The following PCCB variants were observed in gnomAD, a reference collection of about 807,000 sequenced individuals.
PCCB encodes propionyl-CoA carboxylase subunit beta.
A neutral mutation model predicts 60.7 loss-of-function variants in PCCB; 43 were observed. The ratio of observed to expected loss-of-function variants is 0.71; its 90% CI spans 0.55 to 0.91. The LOEUF (loss-of-function observed/expected upper bound fraction) is 0.91, where lower values mean the gene tolerates loss of function less well. Among genes scored for constraint, PCCB ranks in the 40% least tolerant of loss-of-function variants. PCCB has a pLI of 0.00. For synonymous variants in PCCB, 276 were observed against 255.9 expected (o/e 1.08, Z -0.75); for missense variants, 766 against 702.8 (o/e 1.09, Z -1.02).
At chr3:136,298,178 G>A (rs1934023192) in intron 8 of PCCB, 106 bp downstream of exon 8, 2 of 1,344,458 alleles carry the variant, frequency 1.5e-6, no homozygotes, top group African/African-American at 2.9e-5. Context: ...TTGCAGCAGA[G>A]TGTGGTAGAG....
At chr3:136,257,258 A>C (rs1271003164) in intron 3 of PCCB, among the ~76,000 whole-genome samples, 1 of 152,124 alleles carries the variant, frequency 6.6e-6, no homozygotes, top group Non-Finnish European at 1.5e-5. Context: ...GCTTATAAGG[A>C]TGTGATATGA....
At chr3:136,301,823 A>G (rs1354533369) in intron 9 of PCCB, among the ~76,000 whole-genome samples, 1 of 152,134 alleles carries the variant, frequency 6.6e-6, no homozygotes, top group African/African-American at 2.4e-5. Flanking sequence ...GATTAGCCTG[A>G]GATGTAACCT....
chr3:136,256,761 G>T lies in PCCB; in HGVS notation c.372+138G>T, dbSNP rs1406177635. 9.7e-6 allele frequency: 7 copies of T among 719,010 alleles called. No homozygotes were observed. The East Asian group carries it at 1.9e-4, about 19-fold the overall frequency. The allele number at this position is 719,010 out of a possible 1,614,324, so 44.5% of individuals were successfully genotyped here. On this transcript the variant is annotated intron_variant, in intron 3 of 14. Transcript: ENST00000251654. ...TGAGGGATTTGCTTTGCTTTTCAGT[G>T]CGTGTTTCCAGAATATTGTGTGTTT...
intron 6 of PCCB, among the ~76,000 whole-genome samples, chr3:136,290,191 A>G (rs1020632948): frequency 6.6e-6 from 1 of 151,976 alleles, no homozygotes; most frequent in African/African-American, 2.4e-5. Context: ...TTTGCTTAAC[A>G]TTTTTTGCAA....
intron 9 of PCCB, among the ~76,000 whole-genome samples, chr3:136,309,720 A>G (rs1259780373): frequency 4.6e-5 from 7 of 152,044 alleles, no homozygotes; most frequent in African/African-American, 9.7e-5. Context: ...GAGAATTGCT[A>G]GAACACAGGA....
At chr3:136,286,725 A>G (rs921191050) in intron 6 of PCCB, among the ~76,000 whole-genome samples, 2 of 152,162 alleles carry the variant, frequency 1.3e-5, no homozygotes, top group African/African-American at 4.8e-5. Context: ...TGATTATTAC[A>G]GAATCCTCCT....
At chr3:136,273,590 C>CTTTTTTTTTTTTTTT (rs1942257481) in intron 5 of PCCB, among the ~76,000 whole-genome samples, 36 of 65,622 alleles carry the variant, frequency 5.5e-4, no homozygotes, top group Admixed American at 8.0e-4. Flanking sequence ...TTTTTTTTTT[C>CTTTTTTTTTTTTTTT]TTTTTTCTTT....
At chr3:136,296,956 G>C (rs1373948764) in intron 7 of PCCB, among the ~76,000 whole-genome samples, 1 of 152,194 alleles carries the variant, frequency 6.6e-6, no homozygotes, top group Non-Finnish European at 1.5e-5. Flanking sequence ...TTATATTCTA[G>C]TAGAGGAGAT....
At chr3:136,310,483 C>T (rs367681381) in intron 9 of PCCB, among the ~76,000 whole-genome samples, 18 of 152,286 alleles carry the variant, frequency 1.2e-4, no homozygotes, top group South Asian at 2.1e-4. Context: ...GTTTGTGCCA[C>T]GGCACTCTAC....
chr3:136,250,544 G>A lies in PCCB; in HGVS notation c.169G>A (p.Ala57Thr), dbSNP rs371406048. The A allele has an allele frequency of 3.4e-5, 55 of 1,612,298 alleles. No homozygotes were observed. The highest frequency in any genetic ancestry group is 4.5e-5 in the Non-Finnish European group (53 of 1,179,668). The change falls in exon 1 of 15, where the codon GCG becomes ACG. Residue 57 changes from alanine (A) to threonine (T), a missense_variant. By Grantham distance (58) the Ala-to-Thr change is moderately conservative. Transcript: ENST00000251654. ...GGGAGGGGGCCAACGCCGTATTGAC[G>A]CGCAGCACAAGCGAGTGAGTCCTGA... ...LLGGGQRRIDAQHKRGKLTAR... is the reference protein window; with the variant it reads ...LLGGGQRRIDTQHKRGKLTAR...
chr3:136,260,455 T>C, intron 3 of PCCB, 24 bp from the exon 4 acceptor site: 4 of 1,593,632 alleles, frequency 2.5e-6, no homozygotes, highest in Non-Finnish European at 3.4e-6. Flanking sequence ...ATATTTGACT[T>C]GCTGATTTGT....
intron 3 of PCCB, among the ~76,000 whole-genome samples, chr3:136,257,145 G>A (rs1003806493): frequency 2.6e-5 from 4 of 152,224 alleles, no homozygotes; most frequent in Non-Finnish European, 4.4e-5. Flanking sequence ...AATGAAGGTT[G>A]TTAATCAGCT....
chr3:136,287,536 G>A (rs1027827143), intron 6 of PCCB, among the ~76,000 whole-genome samples: 3 of 151,932 alleles, frequency 2.0e-5, no homozygotes, highest in Non-Finnish European at 4.4e-5. Context: ...CGGTTTAAGT[G>A]ATTCTCACAC....
At chr3:136,259,868 T>C (rs1447973900) in intron 3 of PCCB, among the ~76,000 whole-genome samples, 1 of 152,132 alleles carries the variant, frequency 6.6e-6, no homozygotes, top group East Asian at 1.9e-4. Flanking sequence ...TTCTCCTGCC[T>C]CAGCCTCCCG....
chr3:136,258,174 C>G (rs959598846), intron 3 of PCCB, among the ~76,000 whole-genome samples: 15 of 152,310 alleles, frequency 9.8e-5, no homozygotes, highest in African/African-American at 3.4e-4. Flanking sequence ...ATGATGTTCA[C>G]TCACCACTAT....
chr3:136,284,854 A>G (rs117660274), intron 6 of PCCB, among the ~76,000 whole-genome samples: 1,757 of 152,254 alleles, frequency 0.012, 32 homozygotes, highest in East Asian at 0.047. Flanking sequence ...TGGGAGGCTG[A>G]TTCAGGTGGA....
chr3:136,267,016 G>A (rs1453373335), intron 5 of PCCB, among the ~76,000 whole-genome samples: 1 of 152,046 alleles, frequency 6.6e-6, no homozygotes, highest in Non-Finnish European at 1.5e-5. Context: ...CCAAGTAGCT[G>A]GGATTACAGG....
At chr3:136,294,698 C>G (rs1933856355) in intron 7 of PCCB, among the ~76,000 whole-genome samples, 1 of 152,152 alleles carries the variant, frequency 6.6e-6, no homozygotes, top group South Asian at 2.1e-4. Flanking sequence ...TAGCCTCAGT[C>G]TTCCGGGCTC....
At chr3:136,301,699 T>C (rs1711171) in intron 9 of PCCB, among the ~76,000 whole-genome samples, 117,968 of 152,034 alleles carry the variant, frequency 0.78, 45,866 homozygotes, top group East Asian at 0.87. Flanking sequence ...GTGCAACACA[T>C]CGTGATGGCT....
Sources: gnomAD v4.1 joint callset for allele counts (sites outside exome capture counted in the v4.1 genomes callset) on GRCh38, gnomAD v4.1.1 for gene constraint, MANE v1.5 for transcripts, NCBI Gene and HGNC (gene_info 2026-07-23, HGNC 2026-07-21) for gene names.